ATP13A5: variants seen among roughly 807,000 people sequenced by gnomAD.
ATP13A5 encodes ATPase 13A5.
A neutral mutation model predicts 150.2 loss-of-function variants in ATP13A5; 149 were observed. The ratio of observed to expected loss-of-function variants is 0.99; its 90% confidence interval spans 0.87 to 1.14. The LOEUF is 1.14. Among genes scored for constraint, ATP13A5 ranks in the 50% most tolerant of loss-of-function variants. The probability of loss-of-function intolerance (pLI) is 0.00; values close to 1 mark genes in which losing one functional copy is unlikely to be tolerated. For synonymous variants in ATP13A5, 497 were observed against 522.2 expected (o/e 0.95, Z 0.66); for missense variants, 1,383 against 1,449.3 (o/e 0.95, Z 0.74).
At chr3:193,358,741 C>G (rs577062878) in intron 5 of ATP13A5, among the ~76,000 whole-genome samples, 1 of 152,270 alleles carries the variant, frequency 6.6e-6, no homozygotes, top group African/African-American at 2.4e-5. Flanking sequence ...TCCATGTGAG[C>G]TAAGTGAGGC....
At chr3:193,329,137 C>G (rs541431825) in intron 12 of ATP13A5, among the ~76,000 whole-genome samples, 1 of 151,806 alleles carries the variant, frequency 6.6e-6, no homozygotes, top group Non-Finnish European at 1.5e-5. Flanking sequence ...CCCAGCTACT[C>G]GGGAGGCTGA....
chr3:193,355,995 C>T (rs1382551671), intron 5 of ATP13A5, among the ~76,000 whole-genome samples: 2 of 152,190 alleles, frequency 1.3e-5, no homozygotes, highest in Admixed American at 6.5e-5. Flanking sequence ...AGACCTTGTG[C>T]TTGCTGTTCC....
At chr3:193,377,452 A>C (rs965084228) in intron 1 of ATP13A5, among the ~76,000 whole-genome samples, 4 of 152,234 alleles carry the variant, frequency 2.6e-5, no homozygotes, top group Non-Finnish European at 4.4e-5. Flanking sequence ...CAATATAAAA[A>C]TTATTAATAA....
intron 11 of ATP13A5, among the ~76,000 whole-genome samples, chr3:193,331,797 G>T (rs899724551): frequency 6.6e-6 from 1 of 152,106 alleles, no homozygotes; most frequent in African/African-American, 2.4e-5. Context: ...ATTAGGCTAC[G>T]TATATTATTT....
chr3:193,274,884 C>T lies in ATP13A5; in HGVS notation c.*158G>A. 2 of 1,022,812 alleles carry T rather than the reference C, an allele frequency of 2.0e-6. No homozygotes were observed. The highest frequency in any genetic ancestry group is 2.9e-6 in the Non-Finnish European group (2 of 692,450). 63.4% of individuals were successfully genotyped at this position (1,022,812 alleles called of 1,614,324 possible). On this transcript the variant is annotated 3_prime_UTR_variant, in exon 30 of 30. Coordinates refer to ENST00000342358, the MANE Select transcript of ATP13A5 (RefSeq NM_198505.4). Reference sequence around the variant, plus strand: ...AAGCATACAGTCAGAATAAGCCTATCTAAGGTCCCTTGCTGCAAGGTTTAA... The same window carrying T: ...AAGCATACAGTCAGAATAAGCCTATTTAAGGTCCCTTGCTGCAAGGTTTAA...
In ATP13A5 at chr3:193,319,125, A is replaced by C. The variant is rs756507636; in HGVS notation, c.1916-17T>G. On this transcript the variant is annotated splice_polypyrimidine_tract_variant and intron_variant, in intron 16 of 29. Coordinates refer to ENST00000342358, the MANE Select transcript of ATP13A5 (RefSeq NM_198505.4). ...TCTTGGGCACTGCCAGGGTAGAAGA[A>C]ACAGGTAAGTGTAAGGTCATGTTGA... 6.3e-7 allele frequency: 1 copy of C among 1,591,276 alleles called. No individual in the cohort carries two copies. Among genetic ancestry groups the C allele is most frequent in the African/African-American group, 1.3e-5 (1 of 74,546 alleles).
intron 6 of ATP13A5, among the ~76,000 whole-genome samples, chr3:193,351,690 C>A (rs2108891116): frequency 6.6e-6 from 1 of 152,232 alleles, no homozygotes; most frequent in East Asian, 1.9e-4. Flanking sequence ...GCATATCTTT[C>A]ATGTCACAGG....
intron 29 of ATP13A5, among the ~76,000 whole-genome samples, chr3:193,276,291 G>T (rs13319036): frequency 0.02 from 3,041 of 152,262 alleles, 86 homozygotes; most frequent in African/African-American, 0.07. Context: ...ACACTGAGTA[G>T]AAAAGAAACA....
chr3:193,332,698 G>A (rs572627091), intron 11 of ATP13A5, among the ~76,000 whole-genome samples: 1 of 152,166 alleles, frequency 6.6e-6, no homozygotes, highest in East Asian at 1.9e-4. Flanking sequence ...TTGACCCTAA[G>A]GACTCAGCCT....
intron 16 of ATP13A5, among the ~76,000 whole-genome samples, chr3:193,320,712 A>G (rs1350337211): frequency 1.3e-5 from 2 of 152,230 alleles, no homozygotes; most frequent in Admixed American, 6.5e-5. Context: ...GTTGATGGCC[A>G]TCAGCAATCA....
intron 7 of ATP13A5, among the ~76,000 whole-genome samples, chr3:193,348,224 A>G (rs555646141): frequency 6.6e-6 from 1 of 152,264 alleles, no homozygotes; most frequent in South Asian, 2.1e-4. Flanking sequence ...GGCCACCTTT[A>G]GTTTCTTCTG....
At chr3:193,348,293 C>T (rs1712428681) in intron 7 of ATP13A5, among the ~76,000 whole-genome samples, 1 of 152,152 alleles carries the variant, frequency 6.6e-6, no homozygotes, top group Admixed American at 6.6e-5. Context: ...CGTTATTATT[C>T]AGCATCTGTT....
intron 3 of ATP13A5, among the ~76,000 whole-genome samples, 173 bp from the exon 4 acceptor site, chr3:193,362,810 T>TCTCTTTC (rs1560151110): frequency 1.5e-5 from 2 of 136,900 alleles, no homozygotes; most frequent in African/African-American, 5.6e-5. Context: ...TCTTTCTTTC[T>TCTCTTTC]TTCAGACAGG....
intron 10 of ATP13A5, among the ~76,000 whole-genome samples, chr3:193,334,329 T>G (rs1711760843): frequency 6.6e-6 from 1 of 152,258 alleles, no homozygotes; most frequent in South Asian, 2.1e-4. Context: ...TGTCACGTCA[T>G]GTAAAAGACT....
At chr3:193,348,196 G>A (rs191893092) in intron 7 of ATP13A5, among the ~76,000 whole-genome samples, 2 of 152,280 alleles carry the variant, frequency 1.3e-5, no homozygotes, top group Non-Finnish European at 2.9e-5. Context: ...TGCAAAGCTC[G>A]TTGCCTGATT....
intron 5 of ATP13A5, among the ~76,000 whole-genome samples, chr3:193,358,469 A>G (rs1288180684): frequency 6.6e-6 from 1 of 152,166 alleles, no homozygotes; most frequent in African/African-American, 2.4e-5. Flanking sequence ...CAATAATAAA[A>G]ACAAGATTGG....
intron 5 of ATP13A5, among the ~76,000 whole-genome samples, chr3:193,356,225 G>T (rs1577368571): frequency 2.0e-5 from 3 of 151,220 alleles, no homozygotes; most frequent in South Asian, 2.1e-4. Context: ...TCATTATAGT[G>T]CATATAATTA....
rs534238102 is a variant in ATP13A5, at chr3:193,362,446, G to T, written c.471C>A (p.Ser157Arg). The T allele has an allele frequency of 2.5e-6, 4 of 1,614,122 alleles. No homozygotes were observed. The East Asian group carries it at 6.7e-5, about 27-fold the overall frequency. Residue 157 changes from serine (S) to arginine (R), a missense_variant, in exon 5 of 30, where the codon AGC becomes AGA. This residue lies in a region of ATP13A5 where 787 missense variants were observed against 771.9 expected (regional missense o/e 1.02). Transcript: ENST00000342358. ...RFQKVGLLED[S>R]NSCSDIHQTF... Reference sequence around the variant, plus strand: ...TCTGATGGATGTCAGAGCAGGAATTGCTGTCTTCTAGCAACCTAGGATGTA... The same window carrying T: ...TCTGATGGATGTCAGAGCAGGAATTTCTGTCTTCTAGCAACCTAGGATGTA...
At chr3:193,359,156 T>C (rs576530612) in intron 5 of ATP13A5, among the ~76,000 whole-genome samples, 1 of 152,212 alleles carries the variant, frequency 6.6e-6, no homozygotes. Context: ...GACTACGTTA[T>C]TGGCTTCCAG....
Sources: gnomAD v4.1 joint callset for allele counts (sites outside exome capture counted in the v4.1 genomes callset) on GRCh38, gnomAD v4.1.1 for gene constraint, gnomAD v4.1.1 regional missense constraint, MANE v1.5 for transcripts, NCBI Gene and HGNC (gene_info 2026-07-23, HGNC 2026-07-21) for gene names.